CYSLTR2: variants seen among roughly 807,000 people sequenced by gnomAD.
CYSLTR2 encodes the protein cysteinyl leukotriene receptor 2, also known as G-protein coupled receptor GPCR21.
For missense variants in CYSLTR2, 398 were observed against 411.9 expected, an observed-to-expected ratio of 0.97 and a Z score of 0.29; for synonymous variants, 179 against 160.8, an observed-to-expected ratio of 1.11 and a Z score of -0.86.
At chr13:48,685,460 G>A (rs1953872740) in intron 1 of CYSLTR2, among the ~76,000 whole-genome samples, 1 of 152,138 alleles carries the variant, frequency 6.6e-6, no homozygotes, top group Non-Finnish European at 1.5e-5. Context: ...CTGACACCTT[G>A]ATTACAGACT....
intron 1 of CYSLTR2, among the ~76,000 whole-genome samples, chr13:48,657,824 G>A (rs1186451291): frequency 6.6e-6 from 1 of 150,866 alleles, no homozygotes; most frequent in Non-Finnish European, 1.5e-5. Context: ...TATTTTTAAA[G>A]TATTTTAAAT....
chr13:48,698,388 T>A (rs1485289102), intron 4 of CYSLTR2, among the ~76,000 whole-genome samples: 7 of 152,144 alleles, frequency 4.6e-5, no homozygotes, highest in Non-Finnish European at 4.4e-5. Flanking sequence ...AAGAAAAGAA[T>A]TTTCAACCCA....
intron 1 of CYSLTR2, among the ~76,000 whole-genome samples, chr13:48,660,852 C>G (rs956408446): frequency 6.6e-6 from 1 of 152,120 alleles, no homozygotes; most frequent in African/African-American, 2.4e-5. Flanking sequence ...TCTGGAGGGC[C>G]GTGTTAATTC....
At chr13:48,664,452 C>T (rs895592984) in intron 1 of CYSLTR2, among the ~76,000 whole-genome samples, 1 of 151,824 alleles carries the variant, frequency 6.6e-6, no homozygotes, top group South Asian at 2.1e-4. Context: ...TCAGTGAAGC[C>T]ATCTGGTGTT....
At chr13:48,686,822 A>G (rs1000900951) in intron 1 of CYSLTR2, among the ~76,000 whole-genome samples, 1 of 152,220 alleles carries the variant, frequency 6.6e-6, no homozygotes, top group Non-Finnish European at 1.5e-5. Context: ...GTTTTAGATG[A>G]TACTTTCCAG....
intron 4 of CYSLTR2, among the ~76,000 whole-genome samples, chr13:48,698,857 G>A (rs932519628): frequency 3.3e-5 from 5 of 152,024 alleles, no homozygotes; most frequent in Non-Finnish European, 7.4e-5. Context: ...ACAAAAAAAA[G>A]CAGGGGTTGC....
intron 4 of CYSLTR2, among the ~76,000 whole-genome samples, chr13:48,701,305 A>G (rs1159113467): frequency 6.6e-6 from 1 of 152,230 alleles, no homozygotes; most frequent in Non-Finnish European, 1.5e-5. Flanking sequence ...ATGGAACAGA[A>G]TAGAGCCTCC....
chr13:48,684,351 G>A (rs1404114675), intron 1 of CYSLTR2, among the ~76,000 whole-genome samples: 1 of 151,818 alleles, frequency 6.6e-6, no homozygotes, highest in East Asian at 1.9e-4. Context: ...AGTAATCCAT[G>A]TTTCTATAGA....
chr13:48,677,868 A>AT (rs746179854), intron 1 of CYSLTR2, among the ~76,000 whole-genome samples: 15,964 of 131,604 alleles, frequency 0.12, 975 homozygotes, highest in African/African-American at 0.18. Flanking sequence ...GCCTGGTACT[A>AT]TTTTTTTTTT....
chr13:48,668,418 A>T (rs80061656), intron 1 of CYSLTR2, among the ~76,000 whole-genome samples: 5,257 of 152,128 alleles, frequency 0.035, 142 homozygotes, highest in Non-Finnish European at 0.056. Flanking sequence ...AAGGCACAGG[A>T]ATAGGCATAA....
chr13:48,680,638 A>G (rs923260596), intron 1 of CYSLTR2, among the ~76,000 whole-genome samples: 13 of 152,088 alleles, frequency 8.5e-5, no homozygotes, highest in Admixed American at 7.9e-4. Context: ...CTCTCCCATT[A>G]AGGCCGTGGA....
intron 4 of CYSLTR2, among the ~76,000 whole-genome samples, chr13:48,697,035 C>G (rs1434216316): frequency 6.6e-6 from 1 of 152,226 alleles, no homozygotes; most frequent in Non-Finnish European, 1.5e-5. Flanking sequence ...GTGGAGCCCA[C>G]CACAGCTCAA....
At chr13:48,700,515 C>G (rs1323606540) in intron 4 of CYSLTR2, among the ~76,000 whole-genome samples, 1 of 151,902 alleles carries the variant, frequency 6.6e-6, no homozygotes, top group East Asian at 1.9e-4. Flanking sequence ...TTGGACGTAT[C>G]TCAAAATAAT....
At chr13:48,673,484 C>T (rs145333042) in intron 1 of CYSLTR2, among the ~76,000 whole-genome samples, 1 of 93,504 alleles carries the variant, frequency 1.1e-5, no homozygotes, top group South Asian at 3.9e-4. Flanking sequence ...GGTAAATATT[C>T]CTTCATCCCT....
At chr13:48,688,943 C>T (rs1013506320) in intron 1 of CYSLTR2, among the ~76,000 whole-genome samples, 1 of 152,138 alleles carries the variant, frequency 6.6e-6, no homozygotes. Context: ...TTTTAATGAT[C>T]ACCATTCTAA....
chr13:48,684,046 G>A (rs1255638678), intron 1 of CYSLTR2, among the ~76,000 whole-genome samples: 1 of 152,116 alleles, frequency 6.6e-6, no homozygotes, highest in Non-Finnish European at 1.5e-5. Flanking sequence ...AGCCTCCTGA[G>A]TAGCCAGGAC....
intron 3 of CYSLTR2, 116 bp downstream of exon 3, chr13:48,693,626 A>G (rs1390164928): frequency 3.3e-5 from 5 of 152,134 alleles, no homozygotes; most frequent in Non-Finnish European, 4.4e-5. Flanking sequence ...AACACCAAAA[A>G]AAAAAAGGCT....
chr13:48,683,143 G>C (rs1036163483), intron 1 of CYSLTR2, among the ~76,000 whole-genome samples: 1 of 152,146 alleles, frequency 6.6e-6, no homozygotes, highest in East Asian at 1.9e-4. Flanking sequence ...TGGGCATTTA[G>C]GTTGATTCCA....
chr13:48,689,993 A>G (rs1310471064), intron 1 of CYSLTR2, among the ~76,000 whole-genome samples: 2 of 151,962 alleles, frequency 1.3e-5, no homozygotes, highest in East Asian at 3.9e-4. Context: ...TTTTATTCCT[A>G]GGTATTTTAT....
Sources: gnomAD v4.1 joint callset for allele counts (sites outside exome capture counted in the v4.1 genomes callset) on GRCh38, gnomAD v4.1.1 for gene constraint, MANE v1.5 for transcripts, NCBI Gene and HGNC (gene_info 2026-07-23, HGNC 2026-07-21) for gene names.